PLPP5: variants seen among roughly 807,000 people sequenced by gnomAD.
PLPP5 encodes phospholipid phosphatase 5.
In PLPP5, 29 loss-of-function variants were observed where a neutral mutation model predicts 23.6. That is an observed-to-expected ratio of 1.23 (90% CI 0.92 to 1.68). The LOEUF (loss-of-function observed/expected upper bound fraction) is 1.68, where lower values mean the gene tolerates loss of function less well. Among genes scored for constraint, PLPP5 ranks in the 40% most tolerant of loss-of-function variants. The probability of loss-of-function intolerance (pLI) is 0.00; values close to 1 mark genes in which losing one functional copy is unlikely to be tolerated. For synonymous variants in PLPP5, 143 were observed against 131.3 expected, an observed-to-expected ratio of 1.09 and a Z score of -0.61; for missense variants, 315 against 332.1, an observed-to-expected ratio of 0.95 and a Z score of 0.40.
At chr8:38,268,772 C>T (rs1808156074) in intron 2 of PLPP5, 110 bp downstream of exon 2, 1 of 1,438,440 alleles carries the variant, frequency 7.0e-7, no homozygotes, top group Non-Finnish European at 9.1e-7. Context: ...CGCACAGCAG[C>T]GGAGTGGGCA....
rs747173948 is a variant in PLPP5 at position 38,264,297 on chromosome 8, A to C, written c.*147T>G. The C allele has an allele frequency of 7.9e-5, 60 of 757,700 alleles. No individual in the cohort carries two copies. The Middle Eastern group carries it at 1.7e-3, about 21-fold the overall frequency. 46.9% of individuals were successfully genotyped at this position (757,700 alleles called of 1,614,324 possible). A position where few individuals can be genotyped will look rare whatever the true frequency, so the allele number is the denominator to read the frequency against. ...CAGGTAGCTGGGATTACGGCACACA[A>C]CTCCTGGCTAATTTTTGTATTTTTA... On this transcript the variant is annotated 3_prime_UTR_variant, in exon 7 of 7. Transcript: ENST00000424479.
chr8:38,266,108 T>C, intron 6 of PLPP5, 33 bp downstream of exon 6: 1 of 1,601,898 alleles, frequency 6.2e-7, no homozygotes, highest in Non-Finnish European at 8.5e-7. Flanking sequence ...GAGTGAAATA[T>C]GCAAGCTTCC....
intron 5 of PLPP5, 119 bp from the exon 6 acceptor site, chr8:38,266,430 T>C: frequency 9.8e-7 from 1 of 1,024,010 alleles, no homozygotes; most frequent in Non-Finnish European, 1.4e-6. Flanking sequence ...TGAGACAGTC[T>C]TGCTCTGTCG....
At chr8:38,268,777 T>G in intron 2 of PLPP5, 105 bp downstream of exon 2, 3 of 1,436,714 alleles carry the variant, frequency 2.1e-6, no homozygotes, top group Non-Finnish European at 1.8e-6. Context: ...AGCAGCGGAG[T>G]GGGCAGTGGG....
intron 3 of PLPP5, 63 bp from the exon 4 acceptor site, chr8:38,268,023 G>T (rs1177705487): frequency 1.2e-6 from 2 of 1,612,154 alleles, no homozygotes; most frequent in Non-Finnish European, 1.7e-6. Flanking sequence ...TCATGGCCTC[G>T]TTATGAGAGC....
rs1056836211 is a variant in PLPP5 at position 38,269,167 on chromosome 8, C to T, written c.33G>A (p.Gly11=). ...GCGCGAGCCGCACGCCCACTTCGGC[C>T]CCAAAGGCCACCGCCGCCGCCGCCT... MGKAAAAVAF[G]AEVGVRLALF... Residue 11 remains glycine, a synonymous_variant, in exon 1 of 7, where the codon GGG becomes GGA. Transcript: ENST00000424479. 2.6e-6 allele frequency: 4 copies of T among 1,509,686 alleles called. No individual in the cohort carries two copies. The highest frequency in any genetic ancestry group is 2.7e-5 in the East Asian group (1 of 37,262). 93.5% of individuals were successfully genotyped at this position (1,509,686 alleles called of 1,614,324 possible).
intron 4 of PLPP5, 83 bp downstream of exon 4, chr8:38,267,814 C>T: frequency 1.5e-6 from 2 of 1,310,566 alleles, no homozygotes; most frequent in South Asian, 1.2e-5. Flanking sequence ...ATGAGAAAGA[C>T]GTGTGGTGGA....
intron 1 of PLPP5, 50 bp downstream of exon 1, chr8:38,269,076 G>T: frequency 6.6e-7 from 1 of 1,524,846 alleles, no homozygotes; most frequent in East Asian, 2.6e-5. Flanking sequence ...CGTGCCGCCC[G>T]CCTGCCTGGG....
rs941793287 is a variant in PLPP5, at chr8:38,269,163, C to G, written c.37G>C (p.Glu13Gln). 2.0e-6 allele frequency: 3 copies of G among 1,512,612 alleles called. No individual in the cohort carries two copies. The highest frequency in any genetic ancestry group is 2.6e-6 in the Non-Finnish European group (3 of 1,138,068). The allele number at this position is 1,512,612 out of a possible 1,614,324, so 93.7% of individuals were successfully genotyped here. Reference protein sequence around the residue: ...KAAAAVAFGAEVGVRLALFAA... With the variant: ...KAAAAVAFGAQVGVRLALFAA... ...AACAGCGCGAGCCGCACGCCCACTTCGGCCCCAAAGGCCACCGCCGCCGCC... is the reference window on the plus strand; with the variant it reads ...AACAGCGCGAGCCGCACGCCCACTTGGGCCCCAAAGGCCACCGCCGCCGCC... Residue 13 changes from glutamate (E) to glutamine (Q), a missense_variant, in exon 1 of 7, where the codon GAA (glutamate) becomes CAA (glutamine). By Grantham distance (29) the Glu-to-Gln change is conservative. Coordinates refer to ENST00000424479, the MANE Select transcript of PLPP5 (RefSeq NM_001102559.2).
intron 4 of PLPP5, 71 bp from the exon 5 acceptor site, chr8:38,267,462 T>C: frequency 6.4e-7 from 1 of 1,569,108 alleles, no homozygotes; most frequent in Non-Finnish European, 8.7e-7. Context: ...GTAGCAGACA[T>C]TAATAATCCT....
Position 38,264,440 on chromosome 8 carries a change from AT to A in PLPP5, c.*3del. The A allele has an allele frequency of 2.6e-6, 4 of 1,544,792 alleles. No homozygotes were observed. Among genetic ancestry groups the A allele is most frequent in the African/African-American group, 2.7e-5 (2 of 72,960 alleles). ...GAGCCACCACGCCCGGCCAGATTCAATTTTTAAATATCAAAACAATAAGAAT... is the reference window on the plus strand; with the variant it reads ...GAGCCACCACGCCCGGCCAGATTCAATTTTAAATATCAAAACAATAAGAAT... On this transcript the variant is annotated 3_prime_UTR_variant, in exon 7 of 7. Coordinates refer to ENST00000424479, the MANE Select transcript of PLPP5 (RefSeq NM_001102559.2).
chr8:38,263,813 T>C lies in PLPP5; in HGVS notation c.*631A>G. ...AGACAAGGTGGGGCTATGTAAAGGCTTCTTTGTGACAAGATCCTTCTAAGA... is the reference window on the plus strand; with the variant it reads ...AGACAAGGTGGGGCTATGTAAAGGCCTCTTTGTGACAAGATCCTTCTAAGA... On this transcript the variant is annotated 3_prime_UTR_variant, in exon 7 of 7. Coordinates refer to ENST00000424479, the MANE Select transcript of PLPP5 (RefSeq NM_001102559.2). 2 of 985,136 alleles carry C rather than the reference T, an allele frequency of 2.0e-6. No individual in the cohort carries two copies. Among genetic ancestry groups the C allele is most frequent in the Non-Finnish European group, 2.4e-6 (2 of 829,652 alleles). The allele number at this position is 985,136 out of a possible 1,614,324, so 61.0% of individuals were successfully genotyped here.
At chr8:38,265,233 T>C (rs1807404576) in intron 6 of PLPP5, among the ~76,000 whole-genome samples, 2 of 131,172 alleles carry the variant, frequency 1.5e-5, no homozygotes, top group East Asian at 4.7e-4. Flanking sequence ...GCCACTGCAC[T>C]CCAGCCTGGG....
chr8:38,268,938 A>ACAT lies in PLPP5; in HGVS notation c.124_126dup (p.Met42dup), dbSNP rs1321682740. On this transcript the variant is annotated inframe_insertion, in exon 2 of 7. Transcript: ENST00000424479. ...TCCACGTAGGGGTTCCGGTAGAGCCACATCTCCTCCGGCTGGATGAGTCTC... is the reference window on the plus strand; with the variant it reads ...TCCACGTAGGGGTTCCGGTAGAGCCACATCATCTCCTCCGGCTGGATGAGTCTC... 2 of 1,563,272 alleles carry ACAT rather than the reference A, an allele frequency of 1.3e-6. No homozygotes were observed. Among genetic ancestry groups the ACAT allele is most frequent in the South Asian group, 1.2e-5 (1 of 85,526 alleles).
Position 38,266,158 on chromosome 8 carries a change from T to C in PLPP5, c.617A>G (p.Tyr206Cys). 1.9e-6 allele frequency: 3 copies of C among 1,613,986 alleles called. No homozygotes were observed. The highest frequency in any genetic ancestry group is 2.5e-6 in the Non-Finnish European group (3 of 1,179,948). Reference protein sequence around the residue: ...AVIALSRTCDYKHHWQDVLVG... With the variant: ...AVIALSRTCDCKHHWQDVLVG... ...TTGCTTACCTTGCCAGTGATGCTTG[T>C]AGTCACATGTGCGGGACAGTGCAAT... Residue 206 changes from tyrosine to cysteine, a missense_variant, in exon 6 of 7, where the codon TAC becomes TGC. By Grantham distance (194) the Tyr-to-Cys change is radical (BLOSUM62 -2). Transcript: ENST00000424479.
At chr8:38,267,151 G>A in intron 5 of PLPP5, 116 bp downstream of exon 5, 1 of 1,581,270 alleles carries the variant, frequency 6.3e-7, no homozygotes. Flanking sequence ...AAGAAGGGGG[G>A]ATTTTCCAAA....
At chr8:38,268,136 A>G in intron 3 of PLPP5, 176 bp from the exon 4 acceptor site, 1 of 1,399,976 alleles carries the variant, frequency 7.1e-7, no homozygotes, top group South Asian at 1.5e-5. Context: ...CTTTTGTACT[A>G]GGCCAAAGAC....
In PLPP5 at chr8:38,267,477, A is replaced by G; in HGVS notation, c.339-86T>C. On this transcript the variant is annotated intron_variant, in intron 4 of 6. Transcript: ENST00000424479. ...GTAGCAGACATTAATAATCCTGTTA[A>G]CTATTGGTCAAATAGTGCCCCAGGC... 3 of 1,511,578 alleles carry G rather than the reference A, an allele frequency of 2.0e-6. No individual in the cohort carries two copies. In the East Asian group the frequency reaches 6.8e-5, roughly 34 times the overall value. The allele number at this position is 1,511,578 out of a possible 1,614,324, so 93.6% of individuals were successfully genotyped here. A position where few individuals can be genotyped will look rare whatever the true frequency, so the allele number is the denominator to read the frequency against.
intron 5 of PLPP5, 152 bp from the exon 6 acceptor site, chr8:38,266,463 C>A: frequency 1.4e-6 from 1 of 707,860 alleles, no homozygotes; most frequent in Non-Finnish European, 2.3e-6. Context: ...TGCAGTGGCA[C>A]CATCTCGGCT....
Sources: allele counts gnomAD v4.1 joint callset (sites outside exome capture counted in the v4.1 genomes callset), GRCh38; gene constraint gnomAD v4.1.1; transcripts MANE v1.5; gene names NCBI Gene and HGNC (gene_info 2026-07-23, HGNC 2026-07-21).